The following CRPPA variants were observed in gnomAD, a reference collection of about 807,000 sequenced individuals.
CRPPA encodes the protein D-ribitol-5-phosphate cytidylyltransferase.
Under a neutral mutation model 52.0 loss-of-function variants are expected in CRPPA, and 43 were observed. That is an observed-to-expected ratio of 0.83 (90% CI 0.65 to 1.07). CRPPA has a LOEUF of 1.07. CRPPA is among the 50% of genes least tolerant of loss of function. The pLI, the probability that CRPPA is intolerant of heterozygous loss-of-function variation, is 0.00. For synonymous variants in CRPPA, 250 were observed against 203.5 expected (o/e 1.23, Z -1.94); for missense variants, 629 against 551.7 (o/e 1.14, Z -1.40).
At chr7:16,155,800 C>T (rs1269507334) in intron 9 of CRPPA, among the ~76,000 whole-genome samples, 1 of 152,060 alleles carries the variant, frequency 6.6e-6, no homozygotes, top group African/African-American at 2.4e-5. Context: ...TGGGTCAGCA[C>T]GTCAATTCCC....
At chr7:16,225,518 C>T (rs1583445918) in intron 8 of CRPPA, among the ~76,000 whole-genome samples, 2 of 151,930 alleles carry the variant, frequency 1.3e-5, no homozygotes, top group African/African-American at 4.8e-5. Flanking sequence ...TGTTCATTTA[C>T]TTTCTCCAAG....
Position 16,308,399 on chromosome 7 carries a change from A to C in CRPPA, c.789+124T>G, listed in dbSNP as rs959941389. The stretch of plus-strand genomic sequence containing the variant: ...GCAATAGAAGGGATACTACACATTG[A>C]TGGTTCAGTAAACCCGTGAGACTCC... On this transcript the variant is annotated intron_variant, in intron 4 of 9. Transcript: ENST00000407010. The C allele has an allele frequency of 1.6e-5, 10 of 625,130 alleles. 1 individual carries two copies. Among genetic ancestry groups the C allele is most frequent in the Middle Eastern group, 5.1e-4 (2 of 3,934 alleles). 38.7% of individuals were successfully genotyped at this position (625,130 alleles called of 1,614,324 possible).
chr7:16,265,973 A>C (rs796948825), intron 6 of CRPPA, among the ~76,000 whole-genome samples: 1 of 152,322 alleles, frequency 6.6e-6, no homozygotes, highest in African/African-American at 2.4e-5. Flanking sequence ...AGCACACTGG[A>C]CATCAGTGTT....
intron 9 of CRPPA, among the ~76,000 whole-genome samples, chr7:16,128,727 C>A (rs1782627290): frequency 6.6e-6 from 1 of 152,036 alleles, no homozygotes; most frequent in South Asian, 2.1e-4. Flanking sequence ...AATAACAAAC[C>A]ACTTCAGTAG....
At chr7:16,265,378 A>G (rs1186816866) in intron 6 of CRPPA, among the ~76,000 whole-genome samples, 1 of 152,220 alleles carries the variant, frequency 6.6e-6, no homozygotes, top group African/African-American at 2.4e-5. Flanking sequence ...AAGGAAAAGG[A>G]CTGGTGCTTC....
intron 2 of CRPPA, among the ~76,000 whole-genome samples, chr7:16,398,584 G>A (rs73308411): frequency 0.098 from 14,863 of 152,186 alleles, 880 homozygotes; most frequent in East Asian, 0.25. Flanking sequence ...CGTGTGGCAC[G>A]TGACTGACGT....
At position 16,325,352 on chromosome 7, in the gene CRPPA, A is replaced by G. The variant is rs377208853; in HGVS notation, c.685-16725T>C. ...TGGGAAAATTAAAAATAGATTTGTC[A>G]TAAGGAAGGAAAAAGCCTAGAAATA... On this transcript the variant is annotated intron_variant, in intron 3 of 9. Coordinates refer to ENST00000407010, the MANE Select transcript of CRPPA (RefSeq NM_001101426.4). Among the ~76,000 whole-genome samples, 13 of 152,330 alleles carry G rather than the reference A, an allele frequency of 8.5e-5. No homozygotes were observed. The East Asian group carries it at 1.3e-3, about 16-fold the overall frequency.
intron 3 of CRPPA, among the ~76,000 whole-genome samples, chr7:16,322,003 T>A (rs1785276039): frequency 6.6e-6 from 1 of 152,140 alleles, no homozygotes; most frequent in Admixed American, 6.5e-5. Context: ...AAGAACATTC[T>A]ACTCTGGAGC....
rs769041714 is a variant in CRPPA, at chr7:16,376,191, A to C, written c.585T>G (p.Ala195=). ...PLVSTVVSPS[A]DGCLDYSLER... is the part of the protein sequence containing the mutation. Reference sequence around the variant, plus strand: ...CTAGCGAGTAGTCTAAGCAACCATCAGCAGATGGACTGACGACAGTAGATA... The same window carrying C: ...CTAGCGAGTAGTCTAAGCAACCATCCGCAGATGGACTGACGACAGTAGATA... Residue 195 remains alanine, a synonymous_variant, in exon 3 of 10, where the codon GCT becomes GCG. Coordinates refer to ENST00000407010, the MANE Select transcript of CRPPA (RefSeq NM_001101426.4). 1.1e-5 allele frequency: 18 copies of C among 1,613,424 alleles called. No individual in the cohort carries two copies. Among genetic ancestry groups the C allele is most frequent in the Non-Finnish European group, 1.4e-5 (17 of 1,179,568 alleles).
chr7:16,184,949 T>C (rs1202676546), intron 9 of CRPPA, among the ~76,000 whole-genome samples: 2 of 152,244 alleles, frequency 1.3e-5, no homozygotes, highest in Admixed American at 1.3e-4. Flanking sequence ...ATTTACAATG[T>C]TGTTTTGGAC....
intron 9 of CRPPA, among the ~76,000 whole-genome samples, chr7:16,128,772 T>C (rs1224284845): frequency 6.6e-6 from 1 of 152,044 alleles, no homozygotes; most frequent in Non-Finnish European, 1.5e-5. Flanking sequence ...AAAAGCCAAA[T>C]ATGTTGCAAT....
intron 9 of CRPPA, among the ~76,000 whole-genome samples, chr7:16,167,724 C>G (rs923955624): frequency 8.5e-5 from 13 of 152,190 alleles, no homozygotes; most frequent in Non-Finnish European, 1.5e-4. Flanking sequence ...TCTTTGATTT[C>G]TTTGAATGTA....
intron 9 of CRPPA, among the ~76,000 whole-genome samples, chr7:16,145,355 A>G (rs1220871514): frequency 6.6e-6 from 1 of 152,228 alleles, no homozygotes; most frequent in African/African-American, 2.4e-5. Flanking sequence ...AGGTTAGAGA[A>G]GGCCTGTACC....
chr7:16,107,292 C>T (rs1439204061), intron 9 of CRPPA, among the ~76,000 whole-genome samples: 1 of 152,082 alleles, frequency 6.6e-6, no homozygotes, highest in African/African-American at 2.4e-5. Flanking sequence ...CTAATCAATG[C>T]AACCCAGAAA....
intron 9 of CRPPA, among the ~76,000 whole-genome samples, chr7:16,129,092 C>T (rs1782635039): frequency 6.6e-6 from 1 of 152,118 alleles, no homozygotes; most frequent in Non-Finnish European, 1.5e-5. Flanking sequence ...ATCACACCCA[C>T]TATTTTCAGG....
At chr7:16,118,869 G>A (rs1044034240) in intron 9 of CRPPA, among the ~76,000 whole-genome samples, 1 of 152,096 alleles carries the variant, frequency 6.6e-6, no homozygotes, top group Non-Finnish European at 1.5e-5. Context: ...AGACCTCCTT[G>A]GTTTAGGGAT....
rs79887765 is a variant in CRPPA at position 16,302,513 on chromosome 7, A to C, written c.790-1047T>G. 6.4e-3 allele frequency among the ~76,000 whole-genome samples: 978 copies of C among 152,266 alleles called. 12 individuals carry two copies. The highest frequency in any genetic ancestry group is 0.022 in the African/African-American group (919 of 41,546). The stretch of plus-strand genomic sequence containing the variant: ...ACATAGTAAATAATGACACAGTATA[A>C]ATAAGCTTTTATAAGGTCTTAAAAG... On this transcript the variant is annotated intron_variant, in intron 4 of 9. Transcript: ENST00000407010.
chr7:16,397,485 CAG>C (rs1454479137), intron 2 of CRPPA, among the ~76,000 whole-genome samples: 3 of 152,122 alleles, frequency 2.0e-5, no homozygotes, highest in East Asian at 1.9e-4. Context: ...GTTGACATAA[CAG>C]AAACATGACT....
intron 9 of CRPPA, among the ~76,000 whole-genome samples, chr7:16,125,572 T>G (rs559613277): frequency 6.6e-6 from 1 of 152,254 alleles, no homozygotes; most frequent in African/African-American, 2.4e-5. Flanking sequence ...AGACATGGTA[T>G]ACTCTCAATT....
Sources: gnomAD v4.1 joint callset for allele counts (sites outside exome capture counted in the v4.1 genomes callset) on GRCh38, gnomAD v4.1.1 for gene constraint, MANE v1.5 for transcripts, NCBI Gene and HGNC (gene_info 2026-07-23, HGNC 2026-07-21) for gene names.